Variants in LY86 observed in about 807,000 individuals in gnomAD.
LY86 encodes MD-1, RP105-associated.
In LY86, 20 loss-of-function variants were observed where a neutral mutation model predicts 17.3. The observed-to-expected ratio is 1.15, with a 90% CI of 0.81 to 1.68. The LOEUF (loss-of-function observed/expected upper bound fraction) is 1.68, where lower values mean the gene tolerates loss of function less well. Ranked by LOEUF, LY86 falls within the 40% of genes most tolerant of loss-of-function variation. The pLI, the probability that LY86 is intolerant of heterozygous loss-of-function variation, is 0.00. For missense variants in LY86, 200 were observed against 191.9 expected (o/e 1.04, Z -0.25); for synonymous variants, 74 against 70.6 (o/e 1.05, Z -0.24).
intron 1 of LY86, among the ~76,000 whole-genome samples, chr6:6,594,425 C>T (rs192385220): frequency 6.7e-6 from 1 of 148,316 alleles, no homozygotes; most frequent in African/African-American, 2.5e-5. Flanking sequence ...CACAGCTGCA[C>T]CCATTCTTTT....
chr6:6,624,830 A>G (rs1402043696), intron 1 of LY86, 96 bp from the exon 2 acceptor site: 7 of 634,820 alleles, frequency 1.1e-5, no homozygotes, highest in South Asian at 8.8e-5. Context: ...GAATAAATGT[A>G]GCAATTCATG....
At chr6:6,653,063 C>T (rs939962924) in intron 4 of LY86, among the ~76,000 whole-genome samples, 4 of 152,196 alleles carry the variant, frequency 2.6e-5, no homozygotes, top group Non-Finnish European at 5.9e-5. Flanking sequence ...ATATTCCTAA[C>T]ACTATTTCTA....
chr6:6,610,182 A>C (rs1761296057), intron 1 of LY86, among the ~76,000 whole-genome samples: 1 of 152,248 alleles, frequency 6.6e-6, no homozygotes, highest in Non-Finnish European at 1.5e-5. Flanking sequence ...ACCTGAGTAC[A>C]GTCTGTAGAG....
At chr6:6,603,369 C>CAA (rs34476950) in intron 1 of LY86, among the ~76,000 whole-genome samples, 137,050 of 151,580 alleles carry the variant, frequency 0.9, 62,010 homozygotes, top group Middle Eastern at 0.97. Flanking sequence ...AGACAGTTCA[C>CAA]AAAAATTACC....
At chr6:6,614,441 C>T (rs1392286970) in intron 1 of LY86, among the ~76,000 whole-genome samples, 1 of 151,614 alleles carries the variant, frequency 6.6e-6, no homozygotes, top group South Asian at 2.1e-4. Flanking sequence ...GCTCTCCGCC[C>T]GAGCACAGAG....
At position 6,640,555 on chromosome 6, in the gene LY86, TA is replaced by T. The variant is rs60287395; in HGVS notation, c.353-9064del. On this transcript the variant is annotated intron_variant, in intron 3 of 4. Coordinates refer to ENST00000230568, the MANE Select transcript of LY86 (RefSeq NM_004271.4). ...GGCAACATAGGAAGACCCCCATCTC[TA>T]AAAAATTTTTAAAAATTAGCTGGGC... Among the ~76,000 whole-genome samples, 640 of 151,866 alleles carry T rather than the reference TA, an allele frequency of 4.2e-3. 7 individuals are homozygous for T. Among genetic ancestry groups the T allele is most frequent in the African/African-American group, 0.015 (618 of 41,454 alleles).
At chr6:6,613,229 A>C (rs551860104) in intron 1 of LY86, among the ~76,000 whole-genome samples, 3 of 144,684 alleles carry the variant, frequency 2.1e-5, no homozygotes, top group South Asian at 2.3e-4. Flanking sequence ...TGGATCCGGC[A>C]CTAGGGCCGC....
intron 1 of LY86, among the ~76,000 whole-genome samples, chr6:6,595,349 G>A (rs1458166183): frequency 8.8e-6 from 1 of 113,848 alleles, no homozygotes; most frequent in Non-Finnish European, 2.0e-5. Flanking sequence ...ATGAGAAGCA[G>A]GAGAGGAGAA....
chr6:6,597,047 G>A (rs966762816), intron 1 of LY86, among the ~76,000 whole-genome samples: 1 of 152,238 alleles, frequency 6.6e-6, no homozygotes, highest in Non-Finnish European at 1.5e-5. Context: ...CTTTGGAGAG[G>A]TAGAAATGGG....
intron 3 of LY86, among the ~76,000 whole-genome samples, chr6:6,631,851 C>T (rs17142402): frequency 0.047 from 7,187 of 152,246 alleles, 526 homozygotes; most frequent in African/African-American, 0.16. Flanking sequence ...ATATCTGCTG[C>T]ATGTATTTTA....
chr6:6,640,046 T>C (rs1762016012), intron 3 of LY86, among the ~76,000 whole-genome samples: 1 of 152,194 alleles, frequency 6.6e-6, no homozygotes, highest in Non-Finnish European at 1.5e-5. Context: ...GATTGTATCA[T>C]TGCTCCCAAG....
rs368071599 is a variant in LY86, at chr6:6,594,116, A to G, written c.136+5246A>G. ...TATAATTTCACATGCTTTGACATCA[A>G]CCAGGCAGAGGAGGACCTGTGACAC... On this transcript the variant is annotated intron_variant, in intron 1 of 4. Transcript: ENST00000230568. Among the ~76,000 whole-genome samples the G allele has an allele frequency of 1.2e-4, 19 of 152,360 alleles. No homozygotes were observed. In the East Asian group the frequency reaches 2.9e-3, roughly 23 times the overall value.
At chr6:6,629,335 A>G (rs1379570794) in intron 3 of LY86, among the ~76,000 whole-genome samples, 1 of 152,246 alleles carries the variant, frequency 6.6e-6, no homozygotes, top group South Asian at 2.1e-4. Context: ...GGATAATTAA[A>G]TTGTTTTAAC....
chr6:6,653,171 T>A (rs1042915664), intron 4 of LY86, among the ~76,000 whole-genome samples: 1 of 152,216 alleles, frequency 6.6e-6, no homozygotes. Context: ...AGCCTGGTTC[T>A]CTTGAATACA....
At chr6:6,649,487 A>T in intron 3 of LY86, 138 bp from the exon 4 acceptor site, 10 of 430,336 alleles carry the variant, frequency 2.3e-5, no homozygotes, top group South Asian at 2.2e-4. Flanking sequence ...AGATCAGGAA[A>T]TGAAAACATT....
intron 1 of LY86, among the ~76,000 whole-genome samples, chr6:6,616,497 C>G (rs1275203090): frequency 6.6e-6 from 1 of 152,168 alleles, no homozygotes; most frequent in Admixed American, 6.5e-5. Flanking sequence ...TACTAACACC[C>G]CATGCCCTGG....
At chr6:6,621,809 T>C (rs1468222820) in intron 1 of LY86, among the ~76,000 whole-genome samples, 1 of 152,202 alleles carries the variant, frequency 6.6e-6, no homozygotes, top group African/African-American at 2.4e-5. Context: ...AGACATTATG[T>C]ATAGCCCTGG....
At chr6:6,641,459 T>A (rs2113157209) in intron 3 of LY86, among the ~76,000 whole-genome samples, 1 of 152,246 alleles carries the variant, frequency 6.6e-6, no homozygotes, top group South Asian at 2.1e-4. Flanking sequence ...ACCCTCTTCC[T>A]CCCCTTGGAG....
Position 6,632,368 on chromosome 6 carries a change from A to G in LY86, c.352+5947A>G, listed in dbSNP as rs535087683. ...TCAATTACTGCATCTATCAAATGAG[A>G]GTGGCCATAATTCATTATTGGGTAA... On this transcript the variant is annotated intron_variant, in intron 3 of 4. Coordinates refer to ENST00000230568, the MANE Select transcript of LY86 (RefSeq NM_004271.4). Among the ~76,000 whole-genome samples the G allele has an allele frequency of 3.9e-5, 6 of 152,320 alleles. No homozygotes were observed. The East Asian group carries it at 1.2e-3, about 29-fold the overall frequency.
Sources: gnomAD v4.1 joint callset for allele counts (sites outside exome capture counted in the v4.1 genomes callset) on GRCh38, gnomAD v4.1.1 for gene constraint, MANE v1.5 for transcripts, NCBI Gene and HGNC (gene_info 2026-07-23, HGNC 2026-07-21) for gene names.